CAPRIN2: variants seen among roughly 807,000 people sequenced by gnomAD.
CAPRIN2 encodes caprin-2.
A neutral mutation model predicts 130.4 loss-of-function variants in CAPRIN2; 66 were observed. That is an observed-to-expected ratio of 0.51 (90% CI 0.42 to 0.62). The LOEUF (loss-of-function observed/expected upper bound fraction) is 0.62. CAPRIN2 is among the 20% of genes least tolerant of loss of function. The pLI is 0.00. For synonymous variants in CAPRIN2, 471 were observed against 444.1 expected, an observed-to-expected ratio of 1.06 and a Z score of -0.76; for missense variants, 1,185 against 1,246.6, an observed-to-expected ratio of 0.95 and a Z score of 0.74.
At chr12:30,750,850 A>T (rs1191878809) in intron 2 of CAPRIN2, among the ~76,000 whole-genome samples, 1 of 151,832 alleles carries the variant, frequency 6.6e-6, no homozygotes, top group Non-Finnish European at 1.5e-5. Flanking sequence ...TCCTGTTAAC[A>T]ATCTACACCC....
At chr12:30,754,712 TC>T (rs1322511252), upstream of CAPRIN2, 1 of 152,686 alleles carries the variant, frequency 6.5e-6, no homozygotes, top group Non-Finnish European at 1.5e-5. Context: ...GCCGCCTCCC[TC>T]CGCCGCGCCG....
intron 3 of CAPRIN2, among the ~76,000 whole-genome samples, chr12:30,736,372 T>C (rs1290694525): frequency 6.7e-6 from 1 of 150,062 alleles, no homozygotes. Context: ...TATTGGATAT[T>C]CCGCAAGGTA....
chr12:30,714,805 T>C (rs377397281), intron 14 of CAPRIN2, 154 bp downstream of exon 16: 108 of 543,292 alleles, frequency 2.0e-4, no homozygotes, highest in African/African-American at 1.9e-3. Flanking sequence ...TTATGGAGAA[T>C]AGGTATATTA....
rs11304850 is a variant in CAPRIN2, at chr12:30,737,598, C to CTTTT, written c.571-2396_571-2393dup. On this transcript the variant is annotated intron_variant, in intron 3 of 16. Transcript: ENST00000298892. ...AGTACTGAATGATAAAACTGGTTTT[C>CTTTT]TTTTTTTTTTTTTTTTTGAGACGTA... is the stretch of plus-strand genomic sequence containing the variant. 5.6e-4 allele frequency among the ~76,000 whole-genome samples: 74 copies of CTTTT among 131,234 alleles called. 1 individual carries two copies. Among genetic ancestry groups the CTTTT allele is most frequent in the Non-Finnish European group, 8.2e-4 (51 of 62,256 alleles). The allele number at this position is 131,234 out of a possible 152,430, so 86.1% of individuals were successfully genotyped here. A position where few individuals can be genotyped will look rare whatever the true frequency, so the allele number is the denominator to read the frequency against.
Position 30,735,859 on chromosome 12 carries a change from G to A in CAPRIN2, c.571-653C>T, listed in dbSNP as rs138838932. 4.3e-3 allele frequency among the ~76,000 whole-genome samples: 659 copies of A among 152,220 alleles called. 2 individuals carry two copies. Among genetic ancestry groups the A allele is most frequent in the Non-Finnish European group, 7.5e-3 (507 of 68,004 alleles). On this transcript the variant is annotated intron_variant, in intron 3 of 16. Coordinates refer to ENST00000298892, the Ensembl canonical transcript of CAPRIN2. The stretch of plus-strand genomic sequence containing the variant: ...TCAATGGAGCTTAAGTTTTCCCTCA[G>A]GCCAGGCACAATGATACACACCTGT...
chr12:30,713,240 A>G (rs1450386751), intron 15 of CAPRIN2, among the ~76,000 whole-genome samples: 1 of 152,226 alleles, frequency 6.6e-6, no homozygotes, highest in African/African-American at 2.4e-5. Flanking sequence ...AAGTTTTGTT[A>G]AAGTGGAATT....
chr12:30,715,134 A>G (rs1240081667), exon 14 of CAPRIN2: 7 of 1,613,784 alleles, frequency 4.3e-6, no homozygotes, highest in South Asian at 1.1e-5. Flanking sequence ...CATCAGGATG[A>G]TAATTTGCTG....
At chr12:30,724,587 C>A in intron 9 of CAPRIN2, 136 bp from the exon 11 acceptor site, 1 of 600,446 alleles carries the variant, frequency 1.7e-6, no homozygotes, top group Non-Finnish European at 2.9e-6. Context: ...AGGTATCTAG[C>A]TAATCACTGT....
chr12:30,753,474 C>A, exon 1 of CAPRIN2: 1 of 1,614,190 alleles, frequency 6.2e-7, no homozygotes, highest in Non-Finnish European at 8.5e-7. Context: ...GGCCCGCTGG[C>A]TTTCCCCATG....
rs769605672 is a variant in CAPRIN2, at chr12:30,710,406, A to G, written c.2730T>C (p.Gly910=). ...TACGGGAGTCTCCTTGTCCAGAGTC[A>G]CCACTGTTAAAGGTTTCGTTGTCTC... Residue 910 remains glycine (G), a synonymous_variant, in exon 17 of 17, where the codon GGT becomes GGC. Transcript: ENST00000298892. This position sits in a 1 kb window ranked among gnomAD's most constrained non-coding sequence, Gnocchi z 4.8. The G allele has an allele frequency of 1.9e-6, 3 of 1,614,088 alleles. No homozygotes were observed. The highest frequency in any genetic ancestry group is 2.5e-6 in the Non-Finnish European group (3 of 1,180,020).
chr12:30,742,320 C>G (rs531669588), intron 2 of CAPRIN2, among the ~76,000 whole-genome samples: 2 of 152,050 alleles, frequency 1.3e-5, no homozygotes, highest in East Asian at 3.9e-4. Context: ...GTAATAATAA[C>G]AGTATTAGTA....
chr12:30,741,789 A>G (rs2067578328), intron 2 of CAPRIN2, among the ~76,000 whole-genome samples: 1 of 152,124 alleles, frequency 6.6e-6, no homozygotes, highest in Admixed American at 6.5e-5. Flanking sequence ...ATAGTAAAGT[A>G]TTACACTCCA....
At chr12:30,745,733 T>C (rs2069807239) in intron 2 of CAPRIN2, among the ~76,000 whole-genome samples, 1 of 151,052 alleles carries the variant, frequency 6.6e-6, no homozygotes, top group South Asian at 2.1e-4. Context: ...AGCAGAAAAA[T>C]TTTTAAAAAG....
At chr12:30,715,524 G>A in intron 13 of CAPRIN2, 1 of 446,336 alleles carries the variant, frequency 2.2e-6, no homozygotes, top group South Asian at 1.6e-5. Context: ...AGGAGGAGGA[G>A]GAGTTAGTAT....
In CAPRIN2 at chr12:30,719,126, T is replaced by C. The variant is rs768704114; in HGVS notation, c.2148+1685A>G. ...GCTGTGTTAATGGTTACTGAACTAC[T>C]ACTTGCTGGAGGTGACTGGAAGCCC... On this transcript the variant is annotated intron_variant, in intron 12 of 16. Coordinates refer to ENST00000298892, the Ensembl canonical transcript of CAPRIN2. 1.9e-6 allele frequency: 3 copies of C among 1,614,126 alleles called. No individual in the cohort carries two copies. The highest frequency in any genetic ancestry group is 1.1e-5 in the South Asian group (1 of 91,092).
intron 12 of CAPRIN2, chr12:30,719,099 G>A: frequency 6.2e-7 from 1 of 1,613,914 alleles, no homozygotes. Flanking sequence ...GCTTGAAAGG[G>A]TGCTGTGTTA....
chr12:30,751,088 G>C (rs755598166), exon 2 of CAPRIN2: 12 of 1,613,794 alleles, frequency 7.4e-6, no homozygotes, highest in Non-Finnish European at 1.0e-5. Flanking sequence ...TCTGGATTAA[G>C]ATGCTCTCCA....
chr12:30,741,172 T>C, intron 2 of CAPRIN2, 66 bp from the exon 4 acceptor site: 1 of 942,958 alleles, frequency 1.1e-6, no homozygotes, highest in South Asian at 1.5e-5. Flanking sequence ...GAAAATAATG[T>C]TTCTTAAATA....
chr12:30,739,714 CA>C (rs370274976), intron 3 of CAPRIN2, among the ~76,000 whole-genome samples: 181 of 113,688 alleles, frequency 1.6e-3, no homozygotes, highest in Admixed American at 2.3e-3. Flanking sequence ...GACTCCGTCT[CA>C]AAAAAAAAAA....
Sources: gnomAD v4.1 joint callset for allele counts (sites outside exome capture counted in the v4.1 genomes callset) on GRCh38, gnomAD v4.1.1 for gene constraint, Gnocchi (gnomAD v3.1) non-coding constraint, MANE v1.5 for transcripts, NCBI Gene and HGNC (gene_info 2026-07-23, HGNC 2026-07-21) for gene names.